Variants in TIAM2 observed in about 807,000 individuals in gnomAD.
TIAM2 encodes TIAM Rac1 associated GEF 2.
A neutral mutation model predicts 152.9 loss-of-function variants in TIAM2; 80 were observed. The ratio of observed to expected loss-of-function variants is 0.52; its 90% CI spans 0.44 to 0.63. The LOEUF (loss-of-function observed/expected upper bound fraction) is 0.63, where lower values mean the gene tolerates loss of function less well. TIAM2 is among the 30% of genes least tolerant of loss of function. TIAM2 has a pLI of 0.00. For synonymous variants in TIAM2, 804 were observed against 838.0 expected, an observed-to-expected ratio of 0.96 and a Z score of 0.70; for missense variants, 1,965 against 2,120.1, an observed-to-expected ratio of 0.93 and a Z score of 1.44.
In TIAM2 at chr6:154,995,983, G is replaced by A. The variant is rs915633607; in HGVS notation, c.-209+491G>A. On this transcript the variant is annotated intron_variant, in intron 1 of 26. Coordinates refer to ENST00000682666, the MANE Select transcript of TIAM2 (RefSeq NM_012454.4). The surrounding 1 kb of genome is among the most constrained non-coding windows in gnomAD (Gnocchi z 5.2). ...CGGCGAAGCAGGATCCCAGGCGGTC[G>A]GCTCAGCGAGTGTAGACCGTGCGGT... is the stretch of plus-strand genomic sequence containing the variant. Among the ~76,000 whole-genome samples, 1 of 152,196 alleles carries A rather than the reference G, an allele frequency of 6.6e-6. No homozygotes were observed. Among genetic ancestry groups the A allele is most frequent in the Non-Finnish European group, 1.5e-5 (1 of 68,038 alleles).
chr6:155,042,322 C>G (rs1225107084), intron 1 of TIAM2, among the ~76,000 whole-genome samples: 1 of 151,970 alleles, frequency 6.6e-6, no homozygotes, highest in Admixed American at 6.6e-5. Context: ...ATTTAAATTG[C>G]AAGCAGGGGC....
At position 155,253,047 on chromosome 6, in the gene TIAM2, C is replaced by T. The variant is rs761456067; in HGVS notation, c.4219C>T (p.Pro1407Ser). 1.2e-6 allele frequency: 2 copies of T among 1,613,506 alleles called. No individual in the cohort carries two copies. The highest frequency in any genetic ancestry group is 1.7e-6 in the Non-Finnish European group (2 of 1,179,578). The change falls in exon 24 of 27, where the codon CCA (proline) becomes TCA (serine). Residue 1407 changes from proline (P) to serine (S), a missense_variant. Transcript: ENST00000682666. ...CGCGCTTCAAGTCAGACTGGGGAAT[C>T]CAGCAGGTAACTGTTTCGTGCAGTA... Reference protein sequence around the residue: ...ISALQVRLGNPAGTENNSIWE... With the variant: ...ISALQVRLGNSAGTENNSIWE...
chr6:155,118,535 T>A (rs900955384), intron 2 of TIAM2, among the ~76,000 whole-genome samples: 1 of 150,820 alleles, frequency 6.6e-6, no homozygotes, highest in East Asian at 2.0e-4. Context: ...TGGATTCAAG[T>A]GTTTCTCCTG....
At chr6:155,194,974 A>G (rs9480082) in intron 14 of TIAM2, among the ~76,000 whole-genome samples, 50,778 of 152,138 alleles carry the variant, frequency 0.33, 9,031 homozygotes, top group Middle Eastern at 0.49. Context: ...ATGTGAAGAA[A>G]GACATGTTTG....
chr6:155,104,066 C>CACACACA (rs1562317003), intron 2 of TIAM2, among the ~76,000 whole-genome samples: 2 of 127,408 alleles, frequency 1.6e-5, no homozygotes, highest in African/African-American at 7.5e-5. Flanking sequence ...CCCCACACAC[C>CACACACA]CCCACACACC....
chr6:155,183,551 A>G, intron 14 of TIAM2, 51 bp downstream of exon 14: 1 of 1,535,098 alleles, frequency 6.5e-7, no homozygotes, highest in Non-Finnish European at 8.7e-7. Flanking sequence ...AACAGCCAAT[A>G]TTTTTAGGCT....
intron 1 of TIAM2, among the ~76,000 whole-genome samples, chr6:155,009,954 G>C (rs1232890231): frequency 6.6e-6 from 1 of 151,954 alleles, no homozygotes; most frequent in Non-Finnish European, 1.5e-5. Flanking sequence ...CTGGGTTCAA[G>C]TCATTCTCGT....
chr6:155,089,936 G>C (rs1583184352), intron 1 of TIAM2, among the ~76,000 whole-genome samples: 1 of 151,974 alleles, frequency 6.6e-6, no homozygotes, highest in East Asian at 1.9e-4. Context: ...CCATCCATCT[G>C]TCCGTCCGTC....
chr6:155,203,617 T>A (rs1781531790), intron 14 of TIAM2, among the ~76,000 whole-genome samples: 1 of 152,232 alleles, frequency 6.6e-6, no homozygotes, highest in Admixed American at 6.5e-5. Context: ...TACTTTGACA[T>A]TATTTTTTAG....
intron 7 of TIAM2, 152 bp from the exon 8 acceptor site, chr6:155,164,263 A>G (rs1472116085): frequency 1.3e-5 from 8 of 596,272 alleles, no homozygotes; most frequent in Non-Finnish European, 1.6e-5. Flanking sequence ...GATGGGAGGG[A>G]TTGAGATGGG....
In TIAM2 at chr6:155,251,036, C is replaced by G. The variant is rs770232396; in HGVS notation, c.4060+15C>G. 1 of 1,603,352 alleles carries G rather than the reference C, an allele frequency of 6.2e-7. No homozygotes were observed. ...CACAGTATTTGGTTAGTATTCCATT[C>G]AGAAGAATGCAGACTGAACAGAGGC... On this transcript the variant is annotated intron_variant, in intron 22 of 26. Transcript: ENST00000682666.
chr6:155,217,221 G>T (rs1000615091), intron 15 of TIAM2: 1 of 964,948 alleles, frequency 1.0e-6, no homozygotes, highest in Non-Finnish European at 1.4e-6. Flanking sequence ...ATATGCAGAT[G>T]AGAAGAGATG....
chr6:155,122,548 A>C (rs1367142227), intron 2 of TIAM2, among the ~76,000 whole-genome samples: 1 of 151,756 alleles, frequency 6.6e-6, no homozygotes. Flanking sequence ...TTCTAGGTCC[A>C]TGTCATTGTG....
chr6:155,154,330 C>T (rs896921787), intron 7 of TIAM2, among the ~76,000 whole-genome samples: 8 of 152,144 alleles, frequency 5.3e-5, no homozygotes, highest in African/African-American at 1.7e-4. Flanking sequence ...CTTCGAAGTA[C>T]GTGGGTGGAG....
chr6:155,024,824 G>A (rs1361568138), intron 1 of TIAM2, among the ~76,000 whole-genome samples: 4 of 152,086 alleles, frequency 2.6e-5, no homozygotes, highest in Non-Finnish European at 5.9e-5. Context: ...TCGAAATTAG[G>A]ATCACAGCTT....
chr6:155,043,457 C>T (rs1235592609), intron 1 of TIAM2, among the ~76,000 whole-genome samples: 1 of 151,734 alleles, frequency 6.6e-6, no homozygotes, highest in Non-Finnish European at 1.5e-5. Flanking sequence ...CCTAGTGAGT[C>T]CCTGTCTGTA....
rs1375105828 is a variant in TIAM2, at chr6:155,137,599, G to A, written c.1617G>A (p.Trp539Ter). ...LVARRKWKQY[W>*]VTLKGCTLLF... ...CACGAAGGAAATGGAAACAGTACTG[G>A]GTAACGCTGAAAGGTGAGTGCAGTG... The change falls in exon 5 of 27, where the codon TGG becomes TGA. Residue 539 changes from tryptophan to a stop codon, truncating the protein, a stop_gained. Transcript: ENST00000682666. LOFTEE classifies it high-confidence loss of function. 1.3e-6 allele frequency: 2 copies of A among 1,592,008 alleles called. No individual in the cohort carries two copies. Among genetic ancestry groups the A allele is most frequent in the Non-Finnish European group, 1.7e-6 (2 of 1,173,572 alleles).
At position 155,241,077 on chromosome 6, in the gene TIAM2, C is replaced by T. The variant is rs185506534; in HGVS notation, c.3348+368C>T. Among the ~76,000 whole-genome samples, 33 of 152,314 alleles carry T rather than the reference C, an allele frequency of 2.2e-4. No homozygotes were observed. The East Asian group carries it at 4.8e-3, about 22-fold the overall frequency. On this transcript the variant is annotated intron_variant, in intron 16 of 26. Transcript: ENST00000682666. ...TTGGGAACAATCTGTACATACGTGA[C>T]GGCTGATCCAGGCCCCACAGTCTTG...
At chr6:155,181,990 G>A (rs1354391526) in intron 12 of TIAM2, among the ~76,000 whole-genome samples, 3 of 152,188 alleles carry the variant, frequency 2.0e-5, no homozygotes, top group Admixed American at 2.0e-4. Flanking sequence ...GCGTGTGGGT[G>A]CATGGTCTCA....
Sources: gnomAD v4.1 joint callset for allele counts (sites outside exome capture counted in the v4.1 genomes callset) on GRCh38, gnomAD v4.1.1 for gene constraint, Gnocchi (gnomAD v3.1) non-coding constraint, MANE v1.5 for transcripts, NCBI Gene and HGNC (gene_info 2026-07-23, HGNC 2026-07-21) for gene names.